The following PRAG1 variants were observed in gnomAD, a reference collection of about 807,000 sequenced individuals.
PRAG1 encodes PEAK1 related, kinase-activating pseudokinase 1.
A neutral mutation model predicts 95.6 loss-of-function variants in PRAG1; 110 were observed. The observed-to-expected ratio is 1.15, with a 90% confidence interval of 0.99 to 1.35. The LOEUF (loss-of-function observed/expected upper bound fraction) is 1.35, where lower values mean the gene tolerates loss of function less well. PRAG1 is among the 40% of genes most tolerant of loss of function. The pLI is 0.00. For missense variants in PRAG1, 2,554 were observed against 1,864.7 expected, an observed-to-expected ratio of 1.37 and a Z score of -6.81; for synonymous variants, 1,052 against 819.4, an observed-to-expected ratio of 1.28 and a Z score of -4.85.
Position 8,330,963 on chromosome 8 carries a change from G to A in PRAG1, c.2321-2502C>T, listed in dbSNP as rs538077941. Among the ~76,000 whole-genome samples the A allele has an allele frequency of 4.3e-4, 66 of 152,314 alleles. 1 individual carries two copies. The South Asian group carries it at 5.2e-3, about 12-fold the overall frequency. On this transcript the variant is annotated intron_variant, in intron 4 of 5. Coordinates refer to ENST00000615670, the MANE Select transcript of PRAG1 (RefSeq NM_001080826.3). Reference sequence around the variant, plus strand: ...CCAGCCTGATGAGCAGGAGGACTGGGAGCCGTGAGCACACATCCACTTCCT... The same window carrying A: ...CCAGCCTGATGAGCAGGAGGACTGGAAGCCGTGAGCACACATCCACTTCCT...
intron 3 of PRAG1, among the ~76,000 whole-genome samples, chr8:8,361,922 C>G (rs1054582614): frequency 1.5e-4 from 23 of 152,232 alleles, no homozygotes; most frequent in Admixed American, 9.8e-4. Flanking sequence ...TCACTTGCAT[C>G]TTTCTTCGCT....
rs770055358 is a variant in PRAG1 at position 8,328,399 on chromosome 8, G to A, written c.2383C>T (p.Pro795Ser). Residue 795 changes from proline to serine, a missense_variant, in exon 5 of 6, where the codon CCG (proline) becomes TCG (serine). Physicochemically the swap from Pro to Ser is moderately conservative, Grantham distance 74. Transcript: ENST00000615670. ...TCCTCAGTGGAGCCTGAAGGAAACG[G>A]AACGGGAGCAAAGAGCTTCTTCCCG... is the stretch of plus-strand genomic sequence containing the variant. Reference protein sequence around the residue: ...NSGKKLFAPVPFPSGSTEDVS... With the variant: ...NSGKKLFAPVSFPSGSTEDVS... 1.2e-6 allele frequency: 2 copies of A among 1,613,820 alleles called. No individual in the cohort carries two copies. Among genetic ancestry groups the A allele is most frequent in the Non-Finnish European group, 1.7e-6 (2 of 1,180,034 alleles).
At chr8:8,381,376 A>T in intron 2 of PRAG1, 42 bp downstream of exon 2, 1 of 1,555,140 alleles carries the variant, frequency 6.4e-7, no homozygotes, top group South Asian at 1.2e-5. Context: ...TTCAAACAGG[A>T]GCAGCCCCTG....
chr8:8,325,935 TAAAA>T (rs919584549), intron 5 of PRAG1, among the ~76,000 whole-genome samples: 7 of 140,890 alleles, frequency 5.0e-5, no homozygotes, highest in African/African-American at 1.8e-4. Context: ...TAATAATAAT[TAAAA>T]AAAAAAAAAG....
chr8:8,375,208 T>TTTTTTTTG (rs10661610), intron 3 of PRAG1, among the ~76,000 whole-genome samples: 75,883 of 146,100 alleles, frequency 0.52, 20,885 homozygotes, highest in East Asian at 0.75. Context: ...TTCTTTGTTT[T>TTTTTTTTG]TTTTTTTGTT....
Position 8,377,371 on chromosome 8 carries a change from G to A in PRAG1, c.1038C>T (p.Gly346=). The stretch of plus-strand genomic sequence containing the variant: ...TACTGGCGCCGCTGCCGCTGCCGCT[G>A]CCGCTGCCACAAGAGAGGCCGTCGG... The part of the protein sequence containing the change: ...ISSDGLSCGS[G]SGSGSGASSP... The change falls in exon 3 of 6, where the codon GGC becomes GGT. Residue 346 remains glycine (G), a synonymous_variant. Transcript: ENST00000615670. The A allele has an allele frequency of 6.3e-7, 1 of 1,595,120 alleles. No individual in the cohort carries two copies. Among genetic ancestry groups the A allele is most frequent in the Non-Finnish European group, 8.5e-7 (1 of 1,171,826 alleles).
At chr8:8,356,096 T>C (rs1177092887) in intron 3 of PRAG1, among the ~76,000 whole-genome samples, 2 of 152,154 alleles carry the variant, frequency 1.3e-5, no homozygotes, top group East Asian at 1.9e-4. Flanking sequence ...TAAGTAACCA[T>C]ACTAAAATAT....
In PRAG1 at chr8:8,324,719, C is replaced by T. The variant is rs1443983122; in HGVS notation, c.3072+2991G>A. ...CATTTAAACTTTGGAGTCAGGGCCTCATTCACGGGCGAAAGTCTGGGCTAA... is the reference window on the plus strand; with the variant it reads ...CATTTAAACTTTGGAGTCAGGGCCTTATTCACGGGCGAAAGTCTGGGCTAA... On this transcript the variant is annotated intron_variant, in intron 5 of 5. Coordinates refer to ENST00000615670, the MANE Select transcript of PRAG1 (RefSeq NM_001080826.3). Among the ~76,000 whole-genome samples the T allele has an allele frequency of 2.6e-5, 4 of 152,312 alleles. No individual in the cohort carries two copies. In the East Asian group the frequency reaches 7.7e-4, roughly 29 times the overall value.
rs192375750 is a variant in PRAG1, at chr8:8,385,792, T to G, written c.-88+529A>C. Reference sequence around the variant, plus strand: ...AAAGGTTAATAACGTGCTCACAGCATGCGTTTCAGAGGGCTCAGCCAGGGC... The same window carrying G: ...AAAGGTTAATAACGTGCTCACAGCAGGCGTTTCAGAGGGCTCAGCCAGGGC... On this transcript the variant is annotated intron_variant, in intron 1 of 5. Coordinates refer to ENST00000615670, the MANE Select transcript of PRAG1 (RefSeq NM_001080826.3). Among the ~76,000 whole-genome samples, 493 of 152,098 alleles carry G rather than the reference T, an allele frequency of 3.2e-3. 2 individuals carry two copies. The highest frequency in any genetic ancestry group is 0.024 in the Middle Eastern group (7 of 294).
chr8:8,371,891 C>T (rs937533045), intron 3 of PRAG1, among the ~76,000 whole-genome samples: 2 of 152,058 alleles, frequency 1.3e-5, no homozygotes, highest in African/African-American at 2.4e-5. Context: ...AAAACAAAGA[C>T]GTCACCCACT....
chr8:8,377,299 C>T lies in PRAG1; in HGVS notation c.1110G>A (p.Lys370=). ...CCTGCTGCTTCTCTGGGGCAGGTTC[C>T]TTCATGAGGGAGCAGTAATCACTCT... The part of the protein sequence containing the change: ...HLESDYCSLM[K]EPAPEKQQDP... Residue 370 remains lysine, a synonymous_variant, in exon 3 of 6, where the codon AAG becomes AAA. Transcript: ENST00000615670. 1.9e-6 allele frequency: 3 copies of T among 1,612,750 alleles called. No homozygotes were observed. The highest frequency in any genetic ancestry group is 2.5e-6 in the Non-Finnish European group (3 of 1,179,930).
At chr8:8,381,341 C>T (rs1800636206) in intron 2 of PRAG1, 77 bp downstream of exon 2, 1 of 1,454,426 alleles carries the variant, frequency 6.9e-7, no homozygotes, top group Admixed American at 2.0e-5. Context: ...ACAGCCCTCC[C>T]TGGCTGCCAG....
In PRAG1 at chr8:8,377,310, A is replaced by T. The variant is rs1171865577; in HGVS notation, c.1099T>A (p.Ser367Thr). 1 of 1,612,280 alleles carries T rather than the reference A, an allele frequency of 6.2e-7. No homozygotes were observed. The highest frequency in any genetic ancestry group is 1.3e-5 in the African/African-American group (1 of 74,970). ...FVPHLESDYC[S>T]LMKEPAPEKQ... ...TCTGGGGCAGGTTCCTTCATGAGGG[A>T]GCAGTAATCACTCTCGAGGTGGGGG... is the stretch of plus-strand genomic sequence containing the variant. The change falls in exon 3 of 6, where the codon TCC (serine) becomes ACC (threonine). Residue 367 changes from serine (S) to threonine (T), a missense_variant. By Grantham distance (58) the Ser-to-Thr change is moderately conservative. Transcript: ENST00000615670.
At chr8:8,370,714 C>G (rs957872767) in intron 3 of PRAG1, among the ~76,000 whole-genome samples, 8 of 152,196 alleles carry the variant, frequency 5.3e-5, no homozygotes, top group Non-Finnish European at 7.3e-5. Flanking sequence ...GCCCAGAGAT[C>G]ATGTTACAGG....
intron 4 of PRAG1, among the ~76,000 whole-genome samples, chr8:8,333,604 T>C (rs1223539644): frequency 6.6e-6 from 1 of 152,220 alleles, no homozygotes; most frequent in African/African-American, 2.4e-5. Flanking sequence ...GAGTCCTCTC[T>C]TCTTGCTGGG....
intron 4 of PRAG1, among the ~76,000 whole-genome samples, chr8:8,339,009 G>C (rs1349243765): frequency 4.6e-5 from 7 of 152,126 alleles, no homozygotes; most frequent in African/African-American, 1.7e-4. Context: ...GCCTAATGTA[G>C]TCTTCATGCT....
intron 3 of PRAG1, among the ~76,000 whole-genome samples, chr8:8,366,308 G>A (rs1800004222): frequency 6.9e-6 from 1 of 144,944 alleles, no homozygotes; most frequent in African/African-American, 2.6e-5. Flanking sequence ...AAAGGCATGG[G>A]AATTCTTTTT....
intron 2 of PRAG1, among the ~76,000 whole-genome samples, chr8:8,379,534 G>T (rs1013949932): frequency 6.6e-6 from 1 of 152,156 alleles, no homozygotes; most frequent in African/African-American, 2.4e-5. Flanking sequence ...CCCGGAAGGG[G>T]ACATCAAGTT....
Position 8,318,616 on chromosome 8 carries a change from A to G in PRAG1, c.3759T>C (p.Asp1253=). Residue 1253 remains aspartate (D), a synonymous_variant, in exon 6 of 6, where the codon GAT becomes GAC. Coordinates refer to ENST00000615670, the MANE Select transcript of PRAG1 (RefSeq NM_001080826.3). The surrounding 1 kb of genome is among the most constrained non-coding windows in gnomAD (Gnocchi z 4.2). ...IVSASQYRKF[D]EFQTGILIYE... ...AGATGAGGATGCCTGTCTGGAACTC[A>G]TCGAACTTGCGGTACTGGGAAGCAG... The G allele has an allele frequency of 1.9e-6, 3 of 1,611,474 alleles. No individual in the cohort carries two copies. The highest frequency in any genetic ancestry group is 2.5e-6 in the Non-Finnish European group (3 of 1,179,658).
Sources: allele counts gnomAD v4.1 joint callset (sites outside exome capture counted in the v4.1 genomes callset), GRCh38; gene constraint gnomAD v4.1.1; non-coding constraint Gnocchi (gnomAD v3.1); transcripts MANE v1.5; gene names NCBI Gene and HGNC (gene_info 2026-07-23, HGNC 2026-07-21).